The following PCDH11X variants were observed in gnomAD, a reference collection of about 807,000 sequenced individuals.
PCDH11X encodes the protein protocadherin-11 X-linked.
A neutral mutation model predicts 53.3 loss-of-function variants in PCDH11X; 18 were observed. That is an observed-to-expected ratio of 0.34 (90% CI 0.23 to 0.50). The LOEUF (loss-of-function observed/expected upper bound fraction) is 0.50, where lower values mean the gene tolerates loss of function less well. Ranked by LOEUF, PCDH11X falls within the 20% of genes least tolerant of loss-of-function variation. The probability of loss-of-function intolerance (pLI) is 0.98; values close to 1 mark genes in which losing one functional copy is unlikely to be tolerated. For synonymous variants in PCDH11X, 279 were observed against 393.3 expected (o/e 0.71, Z 3.44); for missense variants, 570 against 1,032.4 (o/e 0.55, Z 6.14).
At chrX:91,896,167 C>A (rs1298572150) in intron 6 of PCDH11X, among the ~76,000 whole-genome samples, 1 of 109,312 alleles carries the variant, frequency 9.1e-6, no homozygotes, top group South Asian at 4.0e-4. Flanking sequence ...CTCTGTCACC[C>A]AGGCTGGAGT....
intron 7 of PCDH11X, among the ~76,000 whole-genome samples, chrX:92,209,413 T>C (rs1451488002): frequency 8.9e-6 from 1 of 112,117 alleles, no homozygotes; most frequent in African/African-American, 3.2e-5. Context: ...CTACAGGCCC[T>C]ACGCAAGTCC....
At chrX:92,227,943 T>C (rs2066999801) in intron 7 of PCDH11X, among the ~76,000 whole-genome samples, 1 of 22,911 alleles carries the variant, frequency 4.4e-5, no homozygotes, top group Non-Finnish European at 1.2e-4. Flanking sequence ...CATTAAGTAG[T>C]GATAATAAGA....
chrX:91,821,363 T>A (rs1406675301), intron 4 of PCDH11X, among the ~76,000 whole-genome samples: 1 of 108,909 alleles, frequency 9.2e-6, no homozygotes, highest in African/African-American at 3.4e-5. Context: ...CAGTGGTTTG[T>A]AGTTCTCCTT....
intron 6 of PCDH11X, among the ~76,000 whole-genome samples, chrX:92,073,996 T>A (rs781356903): frequency 1.5e-3 from 165 of 111,948 alleles, no homozygotes; most frequent in South Asian, 3.7e-3. Flanking sequence ...CTCACTAAGT[T>A]CATTTATTTT....
intron 6 of PCDH11X, among the ~76,000 whole-genome samples, chrX:92,023,169 G>C (rs1260426205): frequency 1.8e-5 from 2 of 108,609 alleles, no homozygotes; most frequent in African/African-American, 6.8e-5. Context: ...ATTAAGATCA[G>C]AGCAGAACTG....
chrX:92,206,078 A>C (rs761215844), intron 7 of PCDH11X, among the ~76,000 whole-genome samples: 3 of 111,752 alleles, frequency 2.7e-5, no homozygotes, highest in Admixed American at 9.5e-5. Context: ...TTTTTCTTGA[A>C]GATCTTTTTA....
intron 8 of PCDH11X, among the ~76,000 whole-genome samples, chrX:92,307,129 T>G (rs998279425): frequency 2.2e-4 from 24 of 110,979 alleles, no homozygotes; most frequent in Non-Finnish European, 3.6e-4. Context: ...GTCAGTGTGA[T>G]CCTGATACCA....
chrX:92,284,300 T>C (rs1375763228), intron 8 of PCDH11X, among the ~76,000 whole-genome samples: 5 of 109,461 alleles, frequency 4.6e-5, no homozygotes, highest in Non-Finnish European at 9.5e-5. Context: ...TGCTTCCTAA[T>C]TGCATTATTA....
chrX:91,824,553 G>A, intron 4 of PCDH11X, among the ~76,000 whole-genome samples: 1 of 107,609 alleles, frequency 9.3e-6, no homozygotes, highest in Non-Finnish European at 1.9e-5. Context: ...TCTCTGTATT[G>A]GTTATTCTAG....
At chrX:92,255,457 C>T (rs1337049586) in intron 7 of PCDH11X, among the ~76,000 whole-genome samples, 17 of 108,883 alleles carry the variant, frequency 1.6e-4, no homozygotes, top group Middle Eastern at 4.7e-3. Flanking sequence ...AGTCATTCTC[C>T]GTCCAGCTTT....
chrX:92,406,875 C>T (rs1355862708), intron 9 of PCDH11X, among the ~76,000 whole-genome samples: 4 of 104,400 alleles, frequency 3.8e-5, no homozygotes, highest in Non-Finnish European at 7.8e-5. Flanking sequence ...TGCAGTAAGC[C>T]GAGATCGCGC....
intron 6 of PCDH11X, among the ~76,000 whole-genome samples, chrX:91,937,626 T>G (rs1483802162): frequency 9.1e-6 from 1 of 109,863 alleles, no homozygotes; most frequent in Non-Finnish European, 1.9e-5. Context: ...ATATGCAGAG[T>G]TTTTACTGTA....
At chrX:92,612,460 T>A (rs1463419056) in intron 10 of PCDH11X, among the ~76,000 whole-genome samples, 1 of 111,711 alleles carries the variant, frequency 9.0e-6, no homozygotes, top group Non-Finnish European at 1.9e-5. Context: ...TTGTCTATTG[T>A]GACTGTGCTT....
At chrX:92,163,147 C>G (rs1480161236) in intron 6 of PCDH11X, among the ~76,000 whole-genome samples, 1 of 107,912 alleles carries the variant, frequency 9.3e-6, no homozygotes, top group Non-Finnish European at 1.9e-5. Flanking sequence ...TCACCTAGCT[C>G]TCATGCAACC....
chrX:91,855,641 T>A (rs1938288590), intron 5 of PCDH11X, among the ~76,000 whole-genome samples: 1 of 110,393 alleles, frequency 9.1e-6, no homozygotes, highest in Non-Finnish European at 1.9e-5. Context: ...CATGGAATAT[T>A]TTTTCCCTTT....
intron 6 of PCDH11X, among the ~76,000 whole-genome samples, chrX:92,181,394 T>G (rs181871564): frequency 9.0e-6 from 1 of 111,722 alleles, no homozygotes; most frequent in African/African-American, 3.3e-5. Flanking sequence ...GTTCAGAAAA[T>G]TTGCAGCTTG....
intron 6 of PCDH11X, among the ~76,000 whole-genome samples, chrX:91,994,227 C>G (rs1163094060): frequency 9.8e-6 from 1 of 101,965 alleles, no homozygotes; most frequent in Non-Finnish European, 2.0e-5. Context: ...GAGATCTGCC[C>G]TCTTAGCAAA....
chrX:92,231,377 C>T (rs958683405), intron 7 of PCDH11X, among the ~76,000 whole-genome samples: 4 of 111,674 alleles, frequency 3.6e-5, no homozygotes, highest in African/African-American at 1.3e-4. Flanking sequence ...GTGCTACATA[C>T]AGCTGAGGAT....
At chrX:92,276,871 A>G (rs898382486) in intron 8 of PCDH11X, among the ~76,000 whole-genome samples, 15 of 111,342 alleles carry the variant, frequency 1.3e-4, no homozygotes, top group Non-Finnish European at 2.8e-4. Context: ...GGATTTTTAT[A>G]TTTGATGAAA....
Sources: gnomAD v4.1 joint callset for allele counts (sites outside exome capture counted in the v4.1 genomes callset) on GRCh38, gnomAD v4.1.1 for gene constraint, MANE v1.5 for transcripts, NCBI Gene and HGNC (gene_info 2026-07-23, HGNC 2026-07-21) for gene names.